The following TRAPPC8 variants were observed in gnomAD, a reference collection of about 807,000 sequenced individuals.
TRAPPC8 encodes the protein trafficking protein particle complex subunit 8, also known as general sporulation gene 1 homolog.
A neutral mutation model predicts 174.3 loss-of-function variants in TRAPPC8; 54 were observed. The ratio of observed to expected loss-of-function variants is 0.31; its 90% CI spans 0.25 to 0.39. The LOEUF is 0.39. Among genes scored for constraint, TRAPPC8 ranks in the 10% least tolerant of loss-of-function variants. TRAPPC8 has a pLI of 1.00. For missense variants in TRAPPC8, 1,531 were observed against 1,699.1 expected, an observed-to-expected ratio of 0.90 and a Z score of 1.74; for synonymous variants, 630 against 579.9, an observed-to-expected ratio of 1.09 and a Z score of -1.24.
At chr18:31,933,223 C>T (rs1316744859) in intron 1 of TRAPPC8, among the ~76,000 whole-genome samples, 1 of 150,036 alleles carries the variant, frequency 6.7e-6, no homozygotes, top group African/African-American at 2.5e-5. Flanking sequence ...ATGGTGTGAA[C>T]CCGGCGGGCG....
Position 31,909,838 on chromosome 18 carries a change from A to G in TRAPPC8, c.772-78T>C, listed in dbSNP as rs547781798. The G allele has an allele frequency of 4.5e-5, 43 of 963,344 alleles. No individual in the cohort carries two copies. In the African/African-American group the frequency reaches 6.1e-4, roughly 14 times the overall value. 59.7% of individuals were successfully genotyped at this position (963,344 alleles called of 1,614,324 possible). A position where few individuals can be genotyped will look rare whatever the true frequency, so the allele number is the denominator to read the frequency against. The stretch of plus-strand genomic sequence containing the variant: ...TATACTATCAAATCCATCAACAACT[A>G]TGGTTACTCTGCTAACTGTTGGCCT... On this transcript the variant is annotated intron_variant, in intron 5 of 28. Transcript: ENST00000283351.
intron 4 of TRAPPC8, among the ~76,000 whole-genome samples, chr18:31,914,338 C>T (rs1411460545): frequency 6.6e-6 from 1 of 152,154 alleles, no homozygotes. Context: ...TGTGTACACA[C>T]ACTGAAGGAC....
In TRAPPC8 at chr18:31,830,685, T is replaced by C; in HGVS notation, c.*70A>G. 7.5e-7 allele frequency: 1 copy of C among 1,326,514 alleles called. No homozygotes were observed. The allele number at this position is 1,326,514 out of a possible 1,614,324, so 82.2% of individuals were successfully genotyped here. On this transcript the variant is annotated 3_prime_UTR_variant, in exon 29 of 29. Coordinates refer to ENST00000283351, the MANE Select transcript of TRAPPC8 (RefSeq NM_014939.5). The stretch of plus-strand genomic sequence containing the variant: ...CAACCTCCATAACAAGTTAGGTATA[T>C]CAAATACTGCTGTAAAACCCATCCA...
intron 26 of TRAPPC8, among the ~76,000 whole-genome samples, chr18:31,842,792 T>C (rs2144987163): frequency 6.6e-6 from 1 of 152,330 alleles, no homozygotes; most frequent in Admixed American, 6.5e-5. Flanking sequence ...AGACTAGGGA[T>C]GCTCACCTAG....
chr18:31,942,619 A>G lies in TRAPPC8; in HGVS notation c.146T>C (p.Leu49Pro). ...FAELLKPFSR[L>P]TSEVHMRDPN... ...AGGATACCACATACCCTCGGAAGTG[A>G]GGCGGGAGAAGGGCTTAAGCAGCTC... Residue 49 changes from leucine to proline, a missense_variant, in exon 1 of 29, where the codon CTC (leucine) becomes CCC (proline). Transcript: ENST00000283351. The G allele has an allele frequency of 6.2e-7, 1 of 1,603,936 alleles. No homozygotes were observed. The highest frequency in any genetic ancestry group is 1.3e-5 in the African/African-American group (1 of 74,572).
intron 11 of TRAPPC8, among the ~76,000 whole-genome samples, chr18:31,892,332 G>A (rs752696936): frequency 3.3e-5 from 5 of 151,968 alleles, no homozygotes; most frequent in Admixed American, 2.6e-4. Flanking sequence ...ATTTTGATAC[G>A]TAAGTGGTAT....
At chr18:31,919,585 T>TAAATA (rs1486115780) in intron 2 of TRAPPC8, among the ~76,000 whole-genome samples, 1 of 65,374 alleles carries the variant, frequency 1.5e-5, no homozygotes, top group African/African-American at 5.0e-5. Context: ...AATAAATAAA[T>TAAATA]AAATAAAATA....
At position 31,853,526 on chromosome 18, in the gene TRAPPC8, C is replaced by A. The variant is rs192544946; in HGVS notation, c.3433+323G>T. ...CAAGTGATCCGCCCATCTCAGCCTC[C>A]CAAAGTGCAGGAATTACAGGCGTGA... On this transcript the variant is annotated intron_variant, in intron 22 of 28. Transcript: ENST00000283351. Among the ~76,000 whole-genome samples, 137 of 152,232 alleles carry A rather than the reference C, an allele frequency of 9.0e-4. 2 individuals carry two copies. The highest frequency in any genetic ancestry group is 6.2e-3 in the South Asian group (30 of 4,828).
intron 9 of TRAPPC8, among the ~76,000 whole-genome samples, chr18:31,906,607 CAG>C (rs1365806881): frequency 2.0e-5 from 3 of 152,054 alleles, no homozygotes; most frequent in African/African-American, 4.8e-5. Flanking sequence ...TAAAAAGTAA[CAG>C]TGCTAATTTT....
chr18:31,879,446 C>T (rs569886955), intron 12 of TRAPPC8, among the ~76,000 whole-genome samples: 1 of 152,110 alleles, frequency 6.6e-6, no homozygotes, highest in East Asian at 1.9e-4. Context: ...AGAAACACAA[C>T]ATATCAATAC....
intron 2 of TRAPPC8, among the ~76,000 whole-genome samples, chr18:31,926,044 G>A (rs112710003): frequency 0.011 from 1,615 of 152,234 alleles, 14 homozygotes; most frequent in Non-Finnish European, 0.015. Flanking sequence ...AAATCCTCAG[G>A]ATGACAGCTG....
In TRAPPC8 at chr18:31,941,912, TTAACAAGAGAAGACATTTCC is replaced by T. The variant is rs2038361827; in HGVS notation, c.157+676_157+695del. 3.9e-5 allele frequency among the ~76,000 whole-genome samples: 6 copies of T among 152,338 alleles called. No individual in the cohort carries two copies. In the East Asian group the frequency reaches 1.2e-3, roughly 29 times the overall value. On this transcript the variant is annotated intron_variant, in intron 1 of 28. Transcript: ENST00000283351. ...GGGTAGCTTCTTAACAAGACATTCATTAACAAGAGAAGACATTTCCATCCCTATAACTATAGATAACTCCA... is the reference window on the plus strand; with the variant it reads ...GGGTAGCTTCTTAACAAGACATTCATATCCCTATAACTATAGATAACTCCA...
At chr18:31,881,282 C>T (rs1249394577) in intron 12 of TRAPPC8, among the ~76,000 whole-genome samples, 1 of 151,992 alleles carries the variant, frequency 6.6e-6, no homozygotes, top group East Asian at 1.9e-4. Context: ...GGTACTGGTA[C>T]AAAAAATAGA....
At position 31,932,819 on chromosome 18, in the gene TRAPPC8, TA is replaced by T. The variant is rs1431815666; in HGVS notation, c.158-1297del. Among the ~76,000 whole-genome samples, 4 of 151,034 alleles carry T rather than the reference TA, an allele frequency of 2.6e-5. No homozygotes were observed. In the East Asian group the frequency reaches 7.9e-4, roughly 30 times the overall value. On this transcript the variant is annotated intron_variant, in intron 1 of 28. Transcript: ENST00000283351. ...CAACATAGTGAAACCTCGTCTCTAC[TA>T]AAAATACAAAAAGTAGCCAGGCATG...
chr18:31,931,160 A>G (rs901838627), intron 2 of TRAPPC8, among the ~76,000 whole-genome samples, 169 bp downstream of exon 2: 1 of 152,228 alleles, frequency 6.6e-6, no homozygotes, highest in Non-Finnish European at 1.5e-5. Flanking sequence ...TTTAGGTCCT[A>G]AAATAATAAA....
intron 2 of TRAPPC8, among the ~76,000 whole-genome samples, chr18:31,929,401 G>T (rs1401231523): frequency 6.6e-6 from 1 of 151,752 alleles, no homozygotes; most frequent in African/African-American, 2.4e-5. Context: ...GTGGTGTGCA[G>T]CTATAGTCCT....
rs1449912454 is a variant in TRAPPC8, at chr18:31,908,882, T to G, written c.994A>C (p.Thr332Pro). The G allele has an allele frequency of 6.2e-7, 1 of 1,613,732 alleles. No homozygotes were observed. The highest frequency in any genetic ancestry group is 8.5e-7 in the Non-Finnish European group (1 of 1,179,820). Residue 332 changes from threonine to proline, a missense_variant, in exon 7 of 29, where the codon ACT becomes CCT. By Grantham distance (38) the Thr-to-Pro change is conservative. Coordinates refer to ENST00000283351, the MANE Select transcript of TRAPPC8 (RefSeq NM_014939.5). ...SSLHETKKGN[T>P]GIIHGACLTL... ...AAACATGCACCATGAATTATTCCAG[T>G]ATTTCCTTTCTTTGTTTCATGTAAC...
intron 27 of TRAPPC8, among the ~76,000 whole-genome samples, chr18:31,838,967 T>C (rs983698339): frequency 1.3e-5 from 2 of 152,162 alleles, no homozygotes; most frequent in African/African-American, 4.8e-5. Flanking sequence ...AATTATTACT[T>C]AGATTGTTTC....
chr18:31,869,694 C>T (rs1166882473), intron 16 of TRAPPC8, among the ~76,000 whole-genome samples: 1 of 152,144 alleles, frequency 6.6e-6, no homozygotes, highest in African/African-American at 2.4e-5. Context: ...AATATTAAGA[C>T]ACTTTGATAT....
Sources: gnomAD v4.1 joint callset for allele counts (sites outside exome capture counted in the v4.1 genomes callset) on GRCh38, gnomAD v4.1.1 for gene constraint, MANE v1.5 for transcripts, NCBI Gene and HGNC (gene_info 2026-07-23, HGNC 2026-07-21) for gene names.